Variants in SLC41A2 observed in about 807,000 individuals in gnomAD.
SLC41A2 encodes the protein solute carrier family 41 member 2.
Under a neutral mutation model 58.3 loss-of-function variants are expected in SLC41A2, and 32 were observed. The ratio of observed to expected loss-of-function variants is 0.55; its 90% CI spans 0.41 to 0.74. The LOEUF is 0.74. Among genes scored for constraint, SLC41A2 ranks in the 30% least tolerant of loss-of-function variants. SLC41A2 has a pLI of 0.00. For missense variants in SLC41A2, 514 were observed against 680.6 expected, an observed-to-expected ratio of 0.76 and a Z score of 2.72; for synonymous variants, 190 against 235.0, an observed-to-expected ratio of 0.81 and a Z score of 1.75.
chr12:104,881,887 G>A (rs539928603), intron 6 of SLC41A2, among the ~76,000 whole-genome samples: 9 of 152,200 alleles, frequency 5.9e-5, no homozygotes, highest in Admixed American at 1.3e-4. Context: ...TTTCTGTCTC[G>A]TTGATCTGTC....
At chr12:104,832,658 C>T (rs2042079238) in intron 10 of SLC41A2, among the ~76,000 whole-genome samples, 1 of 152,046 alleles carries the variant, frequency 6.6e-6, no homozygotes, top group South Asian at 2.1e-4. Flanking sequence ...TGTATTTTCT[C>T]TTGGCCAACC....
intron 1 of SLC41A2, among the ~76,000 whole-genome samples, chr12:104,953,308 T>G (rs1593200969): frequency 6.6e-6 from 1 of 152,252 alleles, no homozygotes; most frequent in African/African-American, 2.4e-5. Flanking sequence ...ACTATTTATT[T>G]CCCATAACAT....
chr12:104,844,559 GA>G lies in SLC41A2; in HGVS notation c.1448del (p.Phe483SerfsTer7). Reference protein sequence around the residue: ...LLLVIPGHLIFLYTIHLMKSG... With the variant: ...LLLVIPGHLIXLYTIHLMKSG... ...TTTTCATCAAATGAATAGTGTAGAG[GA>G]AAATTAAATGTCCAGGAATCACTAA... is the stretch of plus-strand genomic sequence containing the variant. On this transcript the variant is annotated frameshift_variant, in exon 10 of 11. Coordinates refer to ENST00000258538, the MANE Select transcript of SLC41A2 (RefSeq NM_001352171.3). LOFTEE classifies it high-confidence loss of function. 6.4e-7 allele frequency: 1 copy of G among 1,572,770 alleles called. No individual in the cohort carries two copies.
intron 3 of SLC41A2, among the ~76,000 whole-genome samples, chr12:104,905,412 C>G (rs1436952376): frequency 6.6e-6 from 1 of 152,266 alleles, no homozygotes; most frequent in Non-Finnish European, 1.5e-5. Flanking sequence ...TAAAGACTCT[C>G]CACGTCCCCA....
At chr12:104,813,903 T>G (rs1030402722) in intron 10 of SLC41A2, among the ~76,000 whole-genome samples, 4 of 152,178 alleles carry the variant, frequency 2.6e-5, no homozygotes, top group African/African-American at 9.7e-5. Flanking sequence ...CCCAAAGTGC[T>G]GGGATTACAG....
chr12:104,874,998 C>A (rs1207606290), intron 6 of SLC41A2, among the ~76,000 whole-genome samples: 1 of 152,086 alleles, frequency 6.6e-6, no homozygotes, highest in Non-Finnish European at 1.5e-5. Flanking sequence ...TTTGTGTCTT[C>A]TTCAATTTAT....
At chr12:104,837,394 G>T (rs2042248512) in intron 10 of SLC41A2, among the ~76,000 whole-genome samples, 1 of 152,064 alleles carries the variant, frequency 6.6e-6, no homozygotes, top group African/African-American at 2.4e-5. Context: ...TATATCTAAG[G>T]CTGGCCTATT....
At chr12:104,810,666 C>A (rs1050516277) in intron 10 of SLC41A2, among the ~76,000 whole-genome samples, 4 of 152,118 alleles carry the variant, frequency 2.6e-5, no homozygotes, top group African/African-American at 7.2e-5. Context: ...TTATTCCTTG[C>A]CACATTCTCA....
intron 1 of SLC41A2, among the ~76,000 whole-genome samples, chr12:104,954,765 C>G (rs2048086832): frequency 6.6e-6 from 1 of 152,204 alleles, no homozygotes; most frequent in African/African-American, 2.4e-5. Flanking sequence ...CAGAGTTAGG[C>G]TATGCTTCAC....
chr12:104,884,475 T>C (rs1007857200), intron 6 of SLC41A2, among the ~76,000 whole-genome samples: 2 of 152,136 alleles, frequency 1.3e-5, no homozygotes, highest in African/African-American at 4.8e-5. Flanking sequence ...ATCTTGGAAC[T>C]GTATACCTGT....
At position 104,861,322 on chromosome 12, in the gene SLC41A2, A is replaced by T; in HGVS notation, c.1224T>A (p.Val408=). 1 of 1,613,462 alleles carries T rather than the reference A, an allele frequency of 6.2e-7. No individual in the cohort carries two copies. Among genetic ancestry groups the T allele is most frequent in the Non-Finnish European group, 8.5e-7 (1 of 1,179,556 alleles). Residue 408 remains valine (V), a synonymous_variant, in exon 8 of 11, where the codon GTT becomes GTA. Transcript: ENST00000258538. Reference sequence around the variant, plus strand: ...TAACTGGCGTGTAAACAACAATCCCAACCAAGTTTGGGTCTGATACAGTTG... The same window carrying T: ...TAACTGGCGTGTAAACAACAATCCCTACCAAGTTTGGGTCTGATACAGTTG... ...LDTTVSDPNL[V]GIVVYTPVIN...
intron 10 of SLC41A2, among the ~76,000 whole-genome samples, chr12:104,812,106 G>A (rs1240909543): frequency 2.0e-5 from 3 of 152,202 alleles, no homozygotes; most frequent in Non-Finnish European, 4.4e-5. Context: ...ATTTTGTTCT[G>A]AGAACAGTGG....
chr12:104,869,092 T>C lies in SLC41A2; in HGVS notation c.1028-2513A>G, dbSNP rs576457342. ...TTGGCTCAGTGCAGCCTCAAATCCC[T>C]GGGCTCAAGTGATCCTCCCATCTCA... On this transcript the variant is annotated intron_variant, in intron 6 of 10. Transcript: ENST00000258538. Among the ~76,000 whole-genome samples, 11 of 152,302 alleles carry C rather than the reference T, an allele frequency of 7.2e-5. No individual in the cohort carries two copies. In the South Asian group the frequency reaches 2.3e-3, roughly 32 times the overall value.
chr12:104,953,836 C>T (rs2048047101), intron 1 of SLC41A2, among the ~76,000 whole-genome samples: 1 of 152,134 alleles, frequency 6.6e-6, no homozygotes, highest in Non-Finnish European at 1.5e-5. Context: ...TTGAAAGCTT[C>T]AACATGAACA....
chr12:104,941,746 CAAATAGCT>C (rs1363442298), intron 1 of SLC41A2, among the ~76,000 whole-genome samples: 1 of 152,194 alleles, frequency 6.6e-6, no homozygotes, highest in Admixed American at 6.5e-5. Flanking sequence ...TGAAAAATAT[CAAATAGCT>C]AATGCATGTG....
At chr12:104,938,756 C>A (rs1014640979) in intron 1 of SLC41A2, among the ~76,000 whole-genome samples, 8 of 152,206 alleles carry the variant, frequency 5.3e-5, no homozygotes, top group African/African-American at 1.9e-4. Context: ...TGTTTATTAT[C>A]ACAGCATGAC....
chr12:104,853,406 ATCC>A (rs2042871963), intron 8 of SLC41A2, among the ~76,000 whole-genome samples: 1 of 152,112 alleles, frequency 6.6e-6, no homozygotes, highest in Non-Finnish European at 1.5e-5. Context: ...ATTTTCACCT[ATCC>A]TCCTCTCAAG....
Position 104,899,740 on chromosome 12 carries a change from A to T in SLC41A2, c.664-4395T>A, listed in dbSNP as rs138383536. 2.4e-3 allele frequency among the ~76,000 whole-genome samples: 361 copies of T among 152,300 alleles called. 2 individuals are homozygous for T. The highest frequency in any genetic ancestry group is 8.0e-3 in the African/African-American group (334 of 41,566). On this transcript the variant is annotated intron_variant, in intron 3 of 10. Transcript: ENST00000258538. ...CAGCTCCCAACTCTGTCATCTGATAATCCAAGCCACTAAAACTTCAACTTT... is the reference window on the plus strand; with the variant it reads ...CAGCTCCCAACTCTGTCATCTGATATTCCAAGCCACTAAAACTTCAACTTT...
At chr12:104,908,938 A>G (rs1441120910) in intron 3 of SLC41A2, among the ~76,000 whole-genome samples, 2 of 152,244 alleles carry the variant, frequency 1.3e-5, no homozygotes, top group Non-Finnish European at 2.9e-5. Flanking sequence ...TGTTCATAAT[A>G]GAAGAATGTT....
Sources: gnomAD v4.1 joint callset for allele counts (sites outside exome capture counted in the v4.1 genomes callset) on GRCh38, gnomAD v4.1.1 for gene constraint, MANE v1.5 for transcripts, NCBI Gene and HGNC (gene_info 2026-07-23, HGNC 2026-07-21) for gene names.